ZNF556: variants seen among roughly 807,000 people sequenced by gnomAD.
ZNF556 encodes the protein zinc finger protein 556.
A neutral mutation model predicts 13.6 loss-of-function variants in ZNF556; 11 were observed. The ratio of observed to expected loss-of-function variants is 0.81; its 90% confidence interval spans 0.51 to 1.33. The LOEUF (loss-of-function observed/expected upper bound fraction) is 1.33, where lower values mean the gene tolerates loss of function less well. Among genes scored for constraint, ZNF556 ranks in the 40% most tolerant of loss-of-function variants. The pLI, the probability that ZNF556 is intolerant of heterozygous loss-of-function variation, is 0.00. For missense variants in ZNF556, 633 were observed against 566.2 expected (o/e 1.12, Z -1.20); for synonymous variants, 229 against 207.8 (o/e 1.10, Z -0.88).
In ZNF556 at chr19:2,877,450, G is replaced by A. The variant is rs1269295502; in HGVS notation, c.492G>A (p.Arg164=). ...TCACCCATTCCTCATCCCTGATAAG[G>A]CACAAAAGAGCTCACTCTGGACAAA... The part of the protein sequence containing the change: ...KLFTHSSSLI[R]HKRAHSGQKL... Residue 164 remains arginine, a synonymous_variant, in exon 4 of 4, where the codon AGG becomes AGA. Transcript: ENST00000307635. 1.2e-6 allele frequency: 2 copies of A among 1,614,114 alleles called. No homozygotes were observed. Among genetic ancestry groups the A allele is most frequent in the Non-Finnish European group, 1.7e-6 (2 of 1,180,040 alleles).
At chr19:2,870,618 A>G (rs530020202) in intron 1 of ZNF556, among the ~76,000 whole-genome samples, 5 of 152,114 alleles carry the variant, frequency 3.3e-5, no homozygotes, top group Non-Finnish European at 4.4e-5. Flanking sequence ...GTGGTGGCAC[A>G]CGCCTGTAAT....
At chr19:2,876,028 C>T in intron 2 of ZNF556, 65 bp from the exon 3 acceptor site, 1 of 1,344,108 alleles carries the variant, frequency 7.4e-7, no homozygotes, top group Non-Finnish European at 1.0e-6. Context: ...AACAATTAAA[C>T]ACCTGAATTA....
At position 2,877,329 on chromosome 19, in the gene ZNF556, G is replaced by C; in HGVS notation, c.371G>C (p.Arg124Thr). Residue 124 changes from arginine (R) to threonine (T), a missense_variant, in exon 4 of 4, where the codon AGA becomes ACA. Arg to Thr is a moderately conservative substitution (Grantham distance 71). Coordinates refer to ENST00000307635, the MANE Select transcript of ZNF556 (RefSeq NM_024967.3). ...CKSSKGNKRG[R>T]TFRKTRNCNR... ...AGCAGTAAAGGTAATAAACGTGGAAGAACCTTCAGAAAGACTCGAAATTGT... is the reference window on the plus strand; with the variant it reads ...AGCAGTAAAGGTAATAAACGTGGAACAACCTTCAGAAAGACTCGAAATTGT... 1 of 1,614,176 alleles carries C rather than the reference G, an allele frequency of 6.2e-7. No homozygotes were observed. Among genetic ancestry groups the C allele is most frequent in the East Asian group, 2.2e-5 (1 of 44,888 alleles).
rs546062772 is a variant in ZNF556 at position 2,882,392 on chromosome 19, C to A, written c.*4063C>A. ...GCAGTGAGCAGAGATCGAACCACTA[C>A]ACTCCAGCCTGGGCGACTGAGTGGG... On this transcript the variant is annotated 3_prime_UTR_variant, in exon 4 of 4. Transcript: ENST00000307635. 6.6e-6 allele frequency: 1 copy of A among 151,428 alleles called. No homozygotes were observed. Among genetic ancestry groups the A allele is most frequent in the Non-Finnish European group, 1.5e-5 (1 of 67,862 alleles). 9.4% of individuals were successfully genotyped at this position (151,428 alleles called of 1,614,324 possible).
chr19:2,868,464 G>C (rs192930111), intron 1 of ZNF556, among the ~76,000 whole-genome samples: 1 of 152,180 alleles, frequency 6.6e-6, no homozygotes, highest in Non-Finnish European at 1.5e-5. Flanking sequence ...CCAGGCTGGA[G>C]TGCAGTGGCG....
chr19:2,877,529 C>T lies in ZNF556; in HGVS notation c.571C>T (p.Gln191Ter), dbSNP rs1173792947. The part of the protein sequence containing the change: ...GKAFSRPSYL[Q>*]THEKTHSGEK... The stretch of plus-strand genomic sequence containing the variant: ...AGCCTTCAGTCGCCCTTCCTACCTA[C>T]AGACGCATGAGAAAACTCACAGTGG... Residue 191 changes from glutamine to a stop codon, truncating the protein, a stop_gained, in exon 4 of 4, where the codon CAG (glutamine) becomes TAG (stop). Transcript: ENST00000307635. LOFTEE classifies it low-confidence loss of function (END_TRUNC). 3 of 1,614,064 alleles carry T rather than the reference C, an allele frequency of 1.9e-6. No individual in the cohort carries two copies. Among genetic ancestry groups the T allele is most frequent in the Non-Finnish European group, 2.5e-6 (3 of 1,180,044 alleles).
Position 2,878,217 on chromosome 19 carries a change from T to A in ZNF556, c.1259T>A (p.Ile420Asn). 1 of 1,614,130 alleles carries A rather than the reference T, an allele frequency of 6.2e-7. No individual in the cohort carries two copies. The highest frequency in any genetic ancestry group is 8.5e-7 in the Non-Finnish European group (1 of 1,180,014). ...TCTTCCAAAAATGTAAGAACGCAGA[T>A]TGGACAGAAGCCCAGTAAATGCGAA... ...LCSSKNVRTQ[I>N]GQKPSKCEKC... The change falls in exon 4 of 4, where the codon ATT becomes AAT. Residue 420 changes from isoleucine to asparagine, a missense_variant. Physicochemically the swap from Ile to Asn is moderately radical, Grantham distance 149. Coordinates refer to ENST00000307635, the MANE Select transcript of ZNF556 (RefSeq NM_024967.3).
rs57053138 is a variant in ZNF556, at chr19:2,882,531, A to ATATGT, written c.*4202_*4203insTATGT. 5 of 127,722 alleles carry ATATGT rather than the reference A, an allele frequency of 3.9e-5. No individual in the cohort carries two copies. Among genetic ancestry groups the ATATGT allele is most frequent in the African/African-American group, 1.2e-4 (4 of 32,940 alleles). The allele number at this position is 127,722 out of a possible 1,614,324, so 7.9% of individuals were successfully genotyped here. On this transcript the variant is annotated 3_prime_UTR_variant, in exon 4 of 4. Transcript: ENST00000307635. ...ATACATTTTATATATATATATATAT[A>ATATGT]GTGTGTGTGTGTGTGTGTGTGTGTG...
At chr19:2,873,345 A>T in intron 1 of ZNF556, 151 bp from the exon 2 acceptor site, 1 of 858,408 alleles carries the variant, frequency 1.2e-6, no homozygotes, top group Non-Finnish European at 1.8e-6. Flanking sequence ...GGAAGTGATT[A>T]CAGACAGAGG....
intron 1 of ZNF556, 128 bp downstream of exon 1, chr19:2,867,552 C>T: frequency 7.4e-7 from 1 of 1,356,672 alleles, no homozygotes; most frequent in East Asian, 2.5e-5. Flanking sequence ...CCCTGTGTCA[C>T]CCCCGGGTCC....
chr19:2,871,777 G>C (rs1377399669), intron 1 of ZNF556, among the ~76,000 whole-genome samples: 1 of 152,202 alleles, frequency 6.6e-6, no homozygotes, highest in Admixed American at 6.5e-5. Context: ...AGACAGCTGG[G>C]CCCGGGGGAC....
At chr19:2,870,696 G>A (rs369291603) in intron 1 of ZNF556, among the ~76,000 whole-genome samples, 2 of 148,622 alleles carry the variant, frequency 1.3e-5, no homozygotes, top group African/African-American at 5.0e-5. Context: ...GCAGTGAGCC[G>A]AGATCATGCC....
chr19:2,878,966 T>G lies in ZNF556; in HGVS notation c.*637T>G, dbSNP rs574755415. On this transcript the variant is annotated 3_prime_UTR_variant, in exon 4 of 4. Transcript: ENST00000307635. ...TAATATGCATTAACTTTAATTTTTA[T>G]ATATTTTTTTTGTTACTCCGTGTGA... 1.3e-5 allele frequency: 2 copies of G among 152,210 alleles called. No individual in the cohort carries two copies. The highest frequency in any genetic ancestry group is 3.8e-4 in the East Asian group (2 of 5,208). 9.4% of individuals were successfully genotyped at this position (152,210 alleles called of 1,614,324 possible). A position where few individuals can be genotyped will look rare whatever the true frequency, so the allele number is the denominator to read the frequency against.
rs72984608 is a variant in ZNF556 at position 2,876,935 on chromosome 19, C to T, written c.315-338C>T. On this transcript the variant is annotated intron_variant, in intron 3 of 3. Coordinates refer to ENST00000307635, the MANE Select transcript of ZNF556 (RefSeq NM_024967.3). ...TAATATATATTAAGAAATAATTGGC[C>T]GGTGCAGTGGCTTATGCCTGTAATC... Among the ~76,000 whole-genome samples, 890 of 151,662 alleles carry T rather than the reference C, an allele frequency of 5.9e-3. 7 individuals are homozygous for T. The highest frequency in any genetic ancestry group is 9.7e-3 in the Non-Finnish European group (659 of 67,906).
intron 2 of ZNF556, 41 bp from the exon 3 acceptor site, chr19:2,876,052 A>G: frequency 1.3e-6 from 2 of 1,542,176 alleles, no homozygotes; most frequent in South Asian, 1.2e-5. Flanking sequence ...CTTTCTTTGC[A>G]GATGCCTTCC....
At chr19:2,870,227 A>T (rs2087790786) in intron 1 of ZNF556, among the ~76,000 whole-genome samples, 1 of 151,882 alleles carries the variant, frequency 6.6e-6, no homozygotes, top group South Asian at 2.1e-4. Flanking sequence ...CAGGTGGATC[A>T]GTTGAGGTCA....
chr19:2,867,814 G>A (rs1164757098), intron 1 of ZNF556, among the ~76,000 whole-genome samples: 1 of 151,208 alleles, frequency 6.6e-6, no homozygotes, highest in East Asian at 2.0e-4. Context: ...CCAGGCCCAC[G>A]TCCCTGGGAG....
At chr19:2,875,365 T>C (rs2087842264) in intron 2 of ZNF556, 1 of 151,864 alleles carries the variant, frequency 6.6e-6, no homozygotes, top group Non-Finnish European at 1.5e-5. Context: ...GGCTAATTTT[T>C]TGTATTTTTA....
At chr19:2,871,810 C>T (rs1376110343) in intron 1 of ZNF556, among the ~76,000 whole-genome samples, 1 of 152,144 alleles carries the variant, frequency 6.6e-6, no homozygotes, top group Non-Finnish European at 1.5e-5. Flanking sequence ...GTCGCAGAGA[C>T]CGGTAGTGGC....
Sources: gnomAD v4.1 joint callset for allele counts (sites outside exome capture counted in the v4.1 genomes callset) on GRCh38, gnomAD v4.1.1 for gene constraint, MANE v1.5 for transcripts, NCBI Gene and HGNC (gene_info 2026-07-23, HGNC 2026-07-21) for gene names.